Variants in DENND1A observed in about 807,000 individuals in gnomAD.
The protein encoded by DENND1A is DENN domain containing 1A, also known as DENN domain-containing protein 1A.
Under a neutral mutation model 113.7 loss-of-function variants are expected in DENND1A, and 51 were observed. The ratio of observed to expected loss-of-function variants is 0.45; its 90% CI spans 0.36 to 0.57. The LOEUF (loss-of-function observed/expected upper bound fraction) is 0.57, where lower values mean the gene tolerates loss of function less well. Among genes scored for constraint, DENND1A ranks in the 20% least tolerant of loss-of-function variants. The pLI is 0.00. For synonymous variants in DENND1A, 565 were observed against 570.8 expected (o/e 0.99, Z 0.14); for missense variants, 1,258 against 1,395.9 (o/e 0.90, Z 1.57).
At chr9:123,584,860 C>G (rs890675918) in intron 11 of DENND1A, among the ~76,000 whole-genome samples, 4 of 152,196 alleles carry the variant, frequency 2.6e-5, no homozygotes, top group Admixed American at 6.5e-5. Context: ...GCCTGCCTGC[C>G]TCCCCTGCTG....
chr9:123,846,664 G>A (rs1842665624), intron 2 of DENND1A, among the ~76,000 whole-genome samples: 1 of 152,154 alleles, frequency 6.6e-6, no homozygotes, highest in South Asian at 2.1e-4. Flanking sequence ...CATAGAGACA[G>A]AAAATAGGAT....
rs80177791 is a variant in DENND1A at position 123,509,813 on chromosome 9, C to A, written c.993+47757G>T. On this transcript the variant is annotated intron_variant, in intron 13 of 23. Transcript: ENST00000394215. ...AATCCTGAACACTTCTTTCCCCCAC[C>A]CTTTGGCCTGCTGCATTCTTGACCT... 5.2e-3 allele frequency among the ~76,000 whole-genome samples: 789 copies of A among 152,328 alleles called. 3 individuals are homozygous for A. The highest frequency in any genetic ancestry group is 9.7e-3 in the Admixed American group (148 of 15,302).
intron 10 of DENND1A, among the ~76,000 whole-genome samples, chr9:123,616,232 T>C (rs919095685): frequency 1.3e-5 from 2 of 152,154 alleles, no homozygotes; most frequent in Admixed American, 1.3e-4. Context: ...GCCTGGCCAT[T>C]TTATAGACTT....
chr9:123,904,844 G>GA lies in DENND1A; in HGVS notation c.17+25044dup, dbSNP rs533677366. 2.0e-3 allele frequency among the ~76,000 whole-genome samples: 297 copies of GA among 152,146 alleles called. 2 individuals carry two copies. The highest frequency in any genetic ancestry group is 6.4e-3 in the African/African-American group (265 of 41,492). ...AAGGCAGGCCAACGTTCAGATTCAGGAAATACAGAGAACGCCACACAGATA... is the reference window on the plus strand; with the variant it reads ...AAGGCAGGCCAACGTTCAGATTCAGGAAAATACAGAGAACGCCACACAGATA... On this transcript the variant is annotated intron_variant, in intron 1 of 23. Coordinates refer to ENST00000394215, the MANE Select transcript of DENND1A (RefSeq NM_001352964.2).
intron 2 of DENND1A, among the ~76,000 whole-genome samples, chr9:123,820,853 C>T (rs1311660956): frequency 2.0e-5 from 3 of 152,278 alleles, no homozygotes; most frequent in East Asian, 1.9e-4. Flanking sequence ...GGAGCAATAG[C>T]GCAATCACTG....
chr9:123,928,398 A>C (rs886934283), intron 1 of DENND1A, among the ~76,000 whole-genome samples: 1 of 152,244 alleles, frequency 6.6e-6, no homozygotes, highest in Non-Finnish European at 1.5e-5. Flanking sequence ...GTGCTATTGA[A>C]ATCCAAGTTT....
At chr9:123,474,139 C>A (rs1047268085) in intron 13 of DENND1A, among the ~76,000 whole-genome samples, 2 of 151,888 alleles carry the variant, frequency 1.3e-5, no homozygotes, top group African/African-American at 4.8e-5. Flanking sequence ...GGATTACAGG[C>A]ATGCACCACC....
rs140796596 is a variant in DENND1A, at chr9:123,769,633, C to A, written c.133-70G>T. The A allele has an allele frequency of 4.6e-4, 619 of 1,351,712 alleles. 6 individuals are homozygous for A. In the African/African-American group the frequency reaches 7.8e-3, roughly 17 times the overall value. 83.7% of individuals were successfully genotyped at this position (1,351,712 alleles called of 1,614,324 possible). A position where few individuals can be genotyped will look rare whatever the true frequency, so the allele number is the denominator to read the frequency against. ...TAAATCTAACATTAACCACAGCACA[C>A]AATCTAGCAACTTTACCCTAAAGAA... On this transcript the variant is annotated intron_variant, in intron 3 of 23. Coordinates refer to ENST00000394215, the MANE Select transcript of DENND1A (RefSeq NM_001352964.2).
intron 2 of DENND1A, among the ~76,000 whole-genome samples, chr9:123,869,103 T>C (rs540500841): frequency 2.6e-5 from 4 of 152,382 alleles, no homozygotes; most frequent in African/African-American, 9.6e-5. Context: ...ATATGCATTA[T>C]ATAATTTGTG....
intron 13 of DENND1A, among the ~76,000 whole-genome samples, chr9:123,461,231 C>G (rs937815924): frequency 6.6e-6 from 1 of 152,198 alleles, no homozygotes; most frequent in African/African-American, 2.4e-5. Flanking sequence ...CATCCCAGTG[C>G]CGTGTGCACT....
intron 13 of DENND1A, among the ~76,000 whole-genome samples, chr9:123,494,794 T>C (rs2051713070): frequency 6.6e-6 from 1 of 152,114 alleles, no homozygotes; most frequent in African/African-American, 2.4e-5. Flanking sequence ...GGCCCTTTTT[T>C]TGTACTTTTT....
chr9:123,415,580 C>T (rs556533859), intron 19 of DENND1A, among the ~76,000 whole-genome samples: 2 of 152,316 alleles, frequency 1.3e-5, no homozygotes, highest in Admixed American at 6.5e-5. Flanking sequence ...CCGTGGGAAG[C>T]AGTCTCAGAT....
intron 1 of DENND1A, chr9:123,928,595 C>T (rs1857499705): frequency 2.0e-6 from 2 of 985,266 alleles, no homozygotes; most frequent in Admixed American, 1.2e-4. Flanking sequence ...TTTTCATTAC[C>T]ATAAGCAAAC....
At chr9:123,706,020 A>G (rs2066172844) in intron 5 of DENND1A, among the ~76,000 whole-genome samples, 1 of 152,242 alleles carries the variant, frequency 6.6e-6, no homozygotes, top group African/African-American at 2.4e-5. Context: ...GAAAAGCTGC[A>G]TCTAGGAGGT....
chr9:123,557,642 A>C lies in DENND1A; in HGVS notation c.921T>G (p.Gly307=). Residue 307 remains glycine, a synonymous_variant, in exon 13 of 24, where the codon GGT becomes GGG. Coordinates refer to ENST00000394215, the MANE Select transcript of DENND1A (RefSeq NM_001352964.2). The part of the protein sequence containing the change: ...LKKVSTTTGD[G]VARAFLKAQA... ...GGGCCTTGAGGAACGCTCTGGCCAC[A>C]CCATCCCCAGTGGTTGTGGAGACCT... 2 of 1,614,086 alleles carry C rather than the reference A, an allele frequency of 1.2e-6. No homozygotes were observed. Among genetic ancestry groups the C allele is most frequent in the Non-Finnish European group, 8.5e-7 (1 of 1,179,980 alleles).
At chr9:123,901,251 T>A (rs1851573631) in intron 1 of DENND1A, among the ~76,000 whole-genome samples, 2 of 152,068 alleles carry the variant, frequency 1.3e-5, no homozygotes, top group South Asian at 4.1e-4. Context: ...GCCATTAAGG[T>A]AGGAGAAGAT....
chr9:123,922,380 GATAA>G (rs1383049606), intron 1 of DENND1A, among the ~76,000 whole-genome samples: 1 of 152,020 alleles, frequency 6.6e-6, no homozygotes, highest in African/African-American at 2.4e-5. Context: ...GCATACATCT[GATAA>G]ATATCCATAA....
intron 9 of DENND1A, among the ~76,000 whole-genome samples, chr9:123,635,062 G>A (rs1457450455): frequency 1.3e-5 from 2 of 149,446 alleles, no homozygotes; most frequent in Admixed American, 6.7e-5. Flanking sequence ...GATCAATGAC[G>A]GAGTGGGAAA....
chr9:123,848,492 C>T (rs1194039311), intron 2 of DENND1A, among the ~76,000 whole-genome samples: 2 of 152,060 alleles, frequency 1.3e-5, no homozygotes, highest in Non-Finnish European at 2.9e-5. Context: ...CTGACTGTTC[C>T]ACCAACCAGC....
Sources: allele counts gnomAD v4.1 joint callset (sites outside exome capture counted in the v4.1 genomes callset), GRCh38; gene constraint gnomAD v4.1.1; transcripts MANE v1.5; gene names NCBI Gene and HGNC (gene_info 2026-07-23, HGNC 2026-07-21).